Variants in ABLIM2 observed in about 807,000 individuals in gnomAD.
ABLIM2 encodes the protein actin binding LIM protein family member 2.
In ABLIM2, 53 loss-of-function variants were observed where a neutral mutation model predicts 97.7. That is an observed-to-expected ratio of 0.54 (90% CI 0.44 to 0.68). The LOEUF is 0.68. Ranked by LOEUF, ABLIM2 falls within the 30% of genes least tolerant of loss-of-function variation. ABLIM2 has a pLI of 0.00. For synonymous variants in ABLIM2, 361 were observed against 345.8 expected, an observed-to-expected ratio of 1.04 and a Z score of -0.49; for missense variants, 835 against 867.2, an observed-to-expected ratio of 0.96 and a Z score of 0.47.
chr4:8,151,471 T>C (rs1350859633), intron 1 of ABLIM2, among the ~76,000 whole-genome samples: 1 of 152,022 alleles, frequency 6.6e-6, no homozygotes, highest in Non-Finnish European at 1.5e-5. Flanking sequence ...AAGCTGCTAA[T>C]CCACAGGCGG....
At chr4:8,024,037 TTCA>T (rs1274603518) in intron 12 of ABLIM2, among the ~76,000 whole-genome samples, 4 of 152,144 alleles carry the variant, frequency 2.6e-5, no homozygotes, top group African/African-American at 9.7e-5. Flanking sequence ...AGGACGATGC[TTCA>T]GTTATGAGGA....
Position 8,029,834 on chromosome 4 carries a change from T to C in ABLIM2, c.1048-58A>G, listed in dbSNP as rs958041283. The stretch of plus-strand genomic sequence containing the variant: ...AGCCGGGAGCACTTCCCACCCCTTG[T>C]CCACCCATCCCCCGACACCATTTGG... On this transcript the variant is annotated intron_variant, in intron 10 of 20. Coordinates refer to ENST00000447017, the MANE Select transcript of ABLIM2 (RefSeq NM_001130083.2). 9.0e-5 allele frequency: 138 copies of C among 1,532,956 alleles called. No individual in the cohort carries two copies. The Middle Eastern group carries it at 1.9e-3, about 21-fold the overall frequency. The allele number at this position is 1,532,956 out of a possible 1,614,324, so 95.0% of individuals were successfully genotyped here.
chr4:8,012,283 TCTAA>T, intron 14 of ABLIM2, among the ~76,000 whole-genome samples: 1 of 149,612 alleles, frequency 6.7e-6, no homozygotes, highest in Non-Finnish European at 1.5e-5. Context: ...CACCCATCCA[TCTAA>T]CCATCCATCC....
chr4:8,022,941 T>C lies in ABLIM2; in HGVS notation c.1268-2638A>G. 1 of 154,398 alleles carries C rather than the reference T, an allele frequency of 6.5e-6. No homozygotes were observed. The highest frequency in any genetic ancestry group is 1.4e-5 in the Non-Finnish European group (1 of 69,418). The allele number at this position is 154,398 out of a possible 1,614,324, so 9.6% of individuals were successfully genotyped here. ...CTCCACTTTTTCCTCTTCCTCCTCC[T>C]CCTCCTCTTCTTTTTCCTCTTCCTC... On this transcript the variant is annotated intron_variant, in intron 12 of 20. Transcript: ENST00000447017. The surrounding 1 kb of genome is among the most constrained non-coding windows in gnomAD (Gnocchi z 7.8).
At position 8,034,997 on chromosome 4, in the gene ABLIM2, A is replaced by G. The variant is rs928959418; in HGVS notation, c.1047+1152T>C. Among the ~76,000 whole-genome samples the G allele has an allele frequency of 8.5e-3, 206 of 24,164 alleles. 2 individuals carry two copies. The highest frequency in any genetic ancestry group is 0.01 in the Non-Finnish European group (140 of 13,466). The allele number at this position is 24,164 out of a possible 152,430, so 15.9% of individuals were successfully genotyped here. ...GTGGGTGGTGGGTGGTAGGTAGGTC[A>G]GTGCGGGTGGGTGGTGGGTGGTAGG... On this transcript the variant is annotated intron_variant, in intron 10 of 20. Coordinates refer to ENST00000447017, the MANE Select transcript of ABLIM2 (RefSeq NM_001130083.2).
At chr4:8,077,934 C>A (rs765172021) in intron 5 of ABLIM2, among the ~76,000 whole-genome samples, 1 of 152,198 alleles carries the variant, frequency 6.6e-6, no homozygotes, top group Non-Finnish European at 1.5e-5. Flanking sequence ...ATTTCACAGA[C>A]GGAGAAACTG....
Position 8,071,607 on chromosome 4 carries a change from G to C in ABLIM2, c.675+6021C>G, listed in dbSNP as rs2152330996. Among the ~76,000 whole-genome samples, 1 of 152,178 alleles carries C rather than the reference G, an allele frequency of 6.6e-6. No homozygotes were observed. Among genetic ancestry groups the C allele is most frequent in the East Asian group, 1.9e-4 (1 of 5,170 alleles). On this transcript the variant is annotated intron_variant, in intron 6 of 20. Coordinates refer to ENST00000447017, the MANE Select transcript of ABLIM2 (RefSeq NM_001130083.2). This position sits in a 1 kb window ranked among gnomAD's most constrained non-coding sequence, Gnocchi z 6.2. ...TGGGTCCTGCAGAGGGAAGCCAGGG[G>C]CACTGCCAAGCGCCTTAGGGGGCAA...
rs2152490322 is a variant in ABLIM2, at chr4:8,085,559, C to CAGG, written c.454+2609_454+2610insCCT. On this transcript the variant is annotated intron_variant, in intron 4 of 20. Transcript: ENST00000447017. The surrounding 1 kb of genome is among the most constrained non-coding windows in gnomAD (Gnocchi z 6.1). ...GCTGCAGCCCCGTCCACTCACATGG[C>CAGG]TCTGGGGGTGCCCACGCTGCAGCCC... is the stretch of plus-strand genomic sequence containing the variant. 7.4e-6 allele frequency among the ~76,000 whole-genome samples: 1 copy of CAGG among 135,090 alleles called. No homozygotes were observed. The highest frequency in any genetic ancestry group is 2.8e-5 in the African/African-American group (1 of 35,314). The allele number at this position is 135,090 out of a possible 152,430, so 88.6% of individuals were successfully genotyped here.
chr4:8,037,302 A>ACG (rs1785124195), intron 9 of ABLIM2, among the ~76,000 whole-genome samples: 4 of 151,710 alleles, frequency 2.6e-5, no homozygotes, highest in Admixed American at 2.0e-4. Context: ...ATGCACACAC[A>ACG]CACGCACATG....
At chr4:8,152,414 G>A (rs1479598422) in intron 1 of ABLIM2, among the ~76,000 whole-genome samples, 1 of 152,166 alleles carries the variant, frequency 6.6e-6, no homozygotes, top group African/African-American at 2.4e-5. Context: ...GAGCAGCGCT[G>A]CGAGGACCCC....
At chr4:7,973,047 G>A (rs1412368491) in intron 20 of ABLIM2, among the ~76,000 whole-genome samples, 1 of 147,820 alleles carries the variant, frequency 6.8e-6, no homozygotes, top group African/African-American at 2.5e-5. Flanking sequence ...AGAAACCACA[G>A]GACTCCAGCA....
chr4:8,060,917 G>A (rs1439447130), intron 7 of ABLIM2, 50 bp downstream of exon 7: 2 of 1,464,048 alleles, frequency 1.4e-6, no homozygotes, highest in East Asian at 2.5e-5. Context: ...GGACATCGAA[G>A]AGGGTAGTTC....
rs1279982735 is a variant in ABLIM2, at chr4:8,085,585, C to T, written c.454+2584G>A. Among the ~76,000 whole-genome samples the T allele has an allele frequency of 2.7e-5, 4 of 150,660 alleles. No individual in the cohort carries two copies. Among genetic ancestry groups the T allele is most frequent in the Non-Finnish European group, 5.9e-5 (4 of 67,660 alleles). On this transcript the variant is annotated intron_variant, in intron 4 of 20. Transcript: ENST00000447017. The surrounding 1 kb of genome is among the most constrained non-coding windows in gnomAD (Gnocchi z 6.1). Reference sequence around the variant, plus strand: ...TCTGGGGGTGCCCACGCTGCAGCCCCGTCCACTCACGCGGGTCTGGGGGGT... The same window carrying T: ...TCTGGGGGTGCCCACGCTGCAGCCCTGTCCACTCACGCGGGTCTGGGGGGT...
At position 8,120,978 on chromosome 4, in the gene ABLIM2, T is replaced by G. The variant is rs1845151696; in HGVS notation, c.11-14341A>C. Among the ~76,000 whole-genome samples the G allele has an allele frequency of 6.6e-6, 1 of 152,240 alleles. No homozygotes were observed. Among genetic ancestry groups the G allele is most frequent in the South Asian group, 2.1e-4 (1 of 4,832 alleles). On this transcript the variant is annotated intron_variant, in intron 1 of 20. Transcript: ENST00000447017. This position sits in a 1 kb window ranked among gnomAD's most constrained non-coding sequence, Gnocchi z 5.6. Reference sequence around the variant, plus strand: ...AATTCAAAGTATGGTTTCTACTGAATGCATATTGTTTTTGCAACATTATAA... The same window carrying G: ...AATTCAAAGTATGGTTTCTACTGAAGGCATATTGTTTTTGCAACATTATAA...
chr4:8,093,645 T>G (rs150311948), intron 3 of ABLIM2, among the ~76,000 whole-genome samples: 7 of 152,210 alleles, frequency 4.6e-5, no homozygotes. Context: ...CTAGAATTAT[T>G]TGATAGATAT....
intron 16 of ABLIM2, among the ~76,000 whole-genome samples, chr4:7,997,322 G>A (rs1049486477): frequency 6.6e-6 from 1 of 152,056 alleles, no homozygotes; most frequent in Non-Finnish European, 1.5e-5. Flanking sequence ...CGCCCACCTC[G>A]GCCTCCTAAA....
intron 1 of ABLIM2, among the ~76,000 whole-genome samples, chr4:8,139,409 G>GA (rs533893134): frequency 6.6e-6 from 1 of 151,818 alleles, no homozygotes; most frequent in Admixed American, 6.6e-5. Context: ...ATATTTACAA[G>GA]AAAAAAACAA....
chr4:8,005,863 A>G lies in ABLIM2; in HGVS notation c.1618+2196T>C, dbSNP rs1251631500. Among the ~76,000 whole-genome samples, 1 of 152,224 alleles carries G rather than the reference A, an allele frequency of 6.6e-6. No individual in the cohort carries two copies. Among genetic ancestry groups the G allele is most frequent in the Non-Finnish European group, 1.5e-5 (1 of 68,046 alleles). On this transcript the variant is annotated intron_variant, in intron 16 of 20. Transcript: ENST00000447017. This position sits in a 1 kb window ranked among gnomAD's most constrained non-coding sequence, Gnocchi z 4.9. Reference sequence around the variant, plus strand: ...AAGCAGGCATGGCCAGGGGAAGGACACATATGTCTGTGCTGGAGCAGAATC... The same window carrying G: ...AAGCAGGCATGGCCAGGGGAAGGACGCATATGTCTGTGCTGGAGCAGAATC...
At chr4:8,156,099 T>C (rs1715227793) in intron 1 of ABLIM2, among the ~76,000 whole-genome samples, 1 of 152,214 alleles carries the variant, frequency 6.6e-6, no homozygotes. Context: ...GGCCAGCAGC[T>C]GCCCAGGAGG....
Sources: gnomAD v4.1 joint callset for allele counts (sites outside exome capture counted in the v4.1 genomes callset) on GRCh38, gnomAD v4.1.1 for gene constraint, Gnocchi (gnomAD v3.1) non-coding constraint, MANE v1.5 for transcripts, NCBI Gene and HGNC (gene_info 2026-07-23, HGNC 2026-07-21) for gene names.